Variants in MPDZ observed in about 807,000 individuals in gnomAD.
The protein encoded by MPDZ is multiple PDZ domain protein.
In MPDZ, 234 loss-of-function variants were observed where a neutral mutation model predicts 239.1. That is an observed-to-expected ratio of 0.98 (90% CI 0.88 to 1.09). The LOEUF (loss-of-function observed/expected upper bound fraction) is 1.09. Among genes scored for constraint, MPDZ ranks in the 50% least tolerant of loss-of-function variants. The pLI, the probability that MPDZ is intolerant of heterozygous loss-of-function variation, is 0.00. For missense variants in MPDZ, 3,175 were observed against 2,510.0 expected, an observed-to-expected ratio of 1.26 and a Z score of -5.66; for synonymous variants, 1,048 against 881.3, an observed-to-expected ratio of 1.19 and a Z score of -3.35.
intron 21 of MPDZ, among the ~76,000 whole-genome samples, chr9:13,171,906 C>G (rs1479469716): frequency 6.6e-6 from 1 of 152,022 alleles, no homozygotes; most frequent in Non-Finnish European, 1.5e-5. Context: ...ATTGATAGAC[C>G]TCTTCATAAT....
At chr9:13,150,471 A>G (rs1949013588) in intron 25 of MPDZ, 40 bp downstream of exon 25, 3 of 1,409,004 alleles carry the variant, frequency 2.1e-6, no homozygotes. Context: ...AATAAAACAA[A>G]ACAAACAAAT....
At chr9:13,189,352 T>C (rs1954585418) in intron 16 of MPDZ, among the ~76,000 whole-genome samples, 1 of 152,100 alleles carries the variant, frequency 6.6e-6, no homozygotes, top group African/African-American at 2.4e-5. Flanking sequence ...AAAGCATTGT[T>C]AAATAGGGTG....
chr9:13,139,800 G>A, intron 28 of MPDZ, 187 bp downstream of exon 28: 1 of 676,084 alleles, frequency 1.5e-6, no homozygotes, highest in East Asian at 2.9e-5. Context: ...GAAAGGAAGA[G>A]CATGATTTCA....
At chr9:13,274,920 A>G (rs2139456158) in intron 1 of MPDZ, among the ~76,000 whole-genome samples, 1 of 152,302 alleles carries the variant, frequency 6.6e-6, no homozygotes, top group Admixed American at 6.5e-5. Flanking sequence ...ATGCTTTTAT[A>G]AAACACTTAA....
chr9:13,128,500 G>C (rs746436802), intron 32 of MPDZ, among the ~76,000 whole-genome samples: 2 of 152,216 alleles, frequency 1.3e-5, no homozygotes, highest in Non-Finnish European at 2.9e-5. Context: ...AATTGCACAA[G>C]AGATTCTCAG....
chr9:13,176,680 C>CGTAA (rs141967324), intron 19 of MPDZ, among the ~76,000 whole-genome samples: 4,686 of 152,138 alleles, frequency 0.031, 105 homozygotes, highest in Non-Finnish European at 0.046. Context: ...AGATACTGTA[C>CGTAA]GTAAGATCAT....
chr9:13,210,014 C>T (rs1451685110), intron 10 of MPDZ, among the ~76,000 whole-genome samples: 1 of 150,344 alleles, frequency 6.7e-6, no homozygotes, highest in Admixed American at 6.6e-5. Flanking sequence ...AGAAGGGAAA[C>T]TTACCCAACT....
At chr9:13,165,636 G>A (rs1587432549) in intron 22 of MPDZ, 1 of 433,298 alleles carries the variant, frequency 2.3e-6, no homozygotes, top group East Asian at 3.5e-5. Context: ...AAATGTAACT[G>A]CAATCAGTCT....
rs1476329951 is a variant in MPDZ, at chr9:13,217,173, A to T, written c.1201+7T>A. The T allele has an allele frequency of 3.3e-6, 5 of 1,536,338 alleles. No homozygotes were observed. The highest frequency in any genetic ancestry group is 2.7e-6 in the Non-Finnish European group (3 of 1,125,438). The stretch of plus-strand genomic sequence containing the variant: ...AGTTTAAAAGAATACTTAATGTTTA[A>T]AATTACCCAATTTTTTATCTCCAAT... On this transcript the variant is annotated splice_region_variant and intron_variant, in intron 9 of 46. Coordinates refer to ENST00000319217, the MANE Select transcript of MPDZ (RefSeq NM_001378778.1).
chr9:13,216,190 G>T (rs1280670417), intron 10 of MPDZ, among the ~76,000 whole-genome samples: 2 of 151,470 alleles, frequency 1.3e-5, no homozygotes, highest in East Asian at 3.9e-4. Flanking sequence ...ACTGAACACT[G>T]AAATTAAAGT....
chr9:13,211,429 A>G (rs777179631), intron 10 of MPDZ, among the ~76,000 whole-genome samples: 8 of 152,280 alleles, frequency 5.3e-5, no homozygotes, highest in Non-Finnish European at 8.8e-5. Context: ...AAAAGTTTAG[A>G]AAGTCCGCTA....
At chr9:13,151,627 G>A (rs1949184411) in intron 24 of MPDZ, among the ~76,000 whole-genome samples, 1 of 152,030 alleles carries the variant, frequency 6.6e-6, no homozygotes, top group Admixed American at 6.6e-5. Context: ...GTGGTTGCCT[G>A]GGATGGGAAG....
At chr9:13,141,674 T>C (rs567980017) in intron 27 of MPDZ, among the ~76,000 whole-genome samples, 2 of 152,294 alleles carry the variant, frequency 1.3e-5, no homozygotes, top group Admixed American at 6.5e-5. Context: ...AAATTATTAA[T>C]TGGTGCCACG....
At position 13,175,740 on chromosome 9, in the gene MPDZ, T is replaced by C. The variant is rs774053445; in HGVS notation, c.3055+12A>G. The C allele has an allele frequency of 1.3e-6, 2 of 1,565,524 alleles. No individual in the cohort carries two copies. The highest frequency in any genetic ancestry group is 1.2e-5 in the South Asian group (1 of 85,282). ...TTGAGGAGTAGGTATATGAGGAAAA[T>C]GAGAAACTTACCTAGGCTAGAATTG... On this transcript the variant is annotated intron_variant, in intron 21 of 46. Transcript: ENST00000319217.
At chr9:13,128,636 A>G (rs1221628667) in intron 32 of MPDZ, among the ~76,000 whole-genome samples, 1 of 152,220 alleles carries the variant, frequency 6.6e-6, no homozygotes, top group Non-Finnish European at 1.5e-5. Flanking sequence ...AGGAGCTCCA[A>G]GAATGGGGTT....
At chr9:13,261,853 GA>G (rs1970752708) in intron 1 of MPDZ, among the ~76,000 whole-genome samples, 1 of 123,398 alleles carries the variant, frequency 8.1e-6, no homozygotes, top group African/African-American at 3.1e-5. Context: ...CCAACAAAGT[GA>G]GACCTGTCTC....
chr9:13,197,020 A>C (rs988676710), intron 12 of MPDZ, among the ~76,000 whole-genome samples: 1 of 151,938 alleles, frequency 6.6e-6, no homozygotes, highest in Non-Finnish European at 1.5e-5. Context: ...ATGTTAAAAA[A>C]TTCAGATTTC....
At chr9:13,124,091 G>C (rs1047042833) in intron 35 of MPDZ, among the ~76,000 whole-genome samples, 2 of 152,180 alleles carry the variant, frequency 1.3e-5, no homozygotes, top group Middle Eastern at 3.2e-3. Context: ...TGGTATAGTA[G>C]CGTATGCTTT....
At chr9:13,132,951 A>G (rs1191049876) in intron 32 of MPDZ, among the ~76,000 whole-genome samples, 1 of 152,206 alleles carries the variant, frequency 6.6e-6, no homozygotes, top group Non-Finnish European at 1.5e-5. Context: ...ATCCTAGAAT[A>G]TACTAAGCCT....
Sources: allele counts gnomAD v4.1 joint callset (sites outside exome capture counted in the v4.1 genomes callset), GRCh38; gene constraint gnomAD v4.1.1; transcripts MANE v1.5; gene names NCBI Gene and HGNC (gene_info 2026-07-23, HGNC 2026-07-21).